The following PTGER3 variants were observed in gnomAD, a reference collection of about 807,000 sequenced individuals.
PTGER3 encodes the protein prostaglandin E2 receptor EP3 subtype.
PTGER3 carries 22 observed loss-of-function variants against 34.7 expected under a neutral mutation model. The observed-to-expected ratio is 0.63, with a 90% CI of 0.45 to 0.91. The LOEUF is 0.91. Among genes scored for constraint, PTGER3 ranks in the 40% least tolerant of loss-of-function variants. The probability of loss-of-function intolerance (pLI) is 0.00; values close to 1 mark genes in which losing one functional copy is unlikely to be tolerated. For missense variants in PTGER3, 468 were observed against 519.4 expected (o/e 0.90, Z 0.96); for synonymous variants, 241 against 230.1 (o/e 1.05, Z -0.43).
intron 2 of PTGER3, among the ~76,000 whole-genome samples, chr1:70,992,645 C>G (rs1042518919): frequency 1.3e-5 from 2 of 152,150 alleles, no homozygotes; most frequent in South Asian, 4.1e-4. Flanking sequence ...CTCTACCATG[C>G]ACTCAGGTGG....
intron 4 of PTGER3, among the ~76,000 whole-genome samples, chr1:70,915,652 C>T (rs1647158879): frequency 6.6e-6 from 1 of 151,948 alleles, no homozygotes; most frequent in African/African-American, 2.4e-5. Context: ...ATATAATTGT[C>T]CATTTGGCCA....
chr1:70,959,427 C>T (rs970504737), intron 2 of PTGER3, among the ~76,000 whole-genome samples: 2 of 151,224 alleles, frequency 1.3e-5, no homozygotes, highest in Admixed American at 6.6e-5. Flanking sequence ...GATCTCAGCT[C>T]ACTGCAACCT....
chr1:70,904,613 C>G (rs1239232045), intron 4 of PTGER3, among the ~76,000 whole-genome samples: 8 of 152,212 alleles, frequency 5.3e-5, no homozygotes, highest in East Asian at 1.9e-4. Context: ...TTTCCCCTGC[C>G]CTAGAGATTT....
At chr1:70,852,701 G>T in exon 5 of PTGER3, 1 of 1,035,074 alleles carries the variant, frequency 9.7e-7, no homozygotes. Flanking sequence ...CTGGATAACA[G>T]TTATATTTGG....
intron 4 of PTGER3, among the ~76,000 whole-genome samples, chr1:70,928,958 C>G (rs984140986): frequency 5.3e-5 from 8 of 151,742 alleles, no homozygotes; most frequent in Admixed American, 5.3e-4. Context: ...AACTAGGGAA[C>G]CCAAATCTAA....
chr1:70,990,111 T>C (rs993807642), intron 2 of PTGER3, among the ~76,000 whole-genome samples: 1 of 151,800 alleles, frequency 6.6e-6, no homozygotes, highest in Non-Finnish European at 1.5e-5. Flanking sequence ...GCCAGCACTT[T>C]GGGAGGCCGA....
chr1:70,911,769 C>T (rs1028511102), intron 4 of PTGER3, among the ~76,000 whole-genome samples: 1 of 151,528 alleles, frequency 6.6e-6, no homozygotes, highest in Admixed American at 6.6e-5. Flanking sequence ...CAACGTAACT[C>T]GAAATAAAAA....
chr1:71,016,587 G>C lies in PTGER3; in HGVS notation c.898-4103C>G, dbSNP rs548739540. Among the ~76,000 whole-genome samples the C allele has an allele frequency of 3.3e-5, 5 of 152,208 alleles. No homozygotes were observed. In the South Asian group the frequency reaches 8.3e-4, roughly 25 times the overall value. ...GGAGGTCGAGGCAGATGGATCCCCT[G>C]AACCCAGCAGTTCGAGACCAGCCTG... On this transcript the variant is annotated intron_variant, in intron 1 of 3. Transcript: ENST00000306666.
downstream of PTGER3, chr1:70,950,975 A>C (rs1043706396): frequency 6.6e-6 from 1 of 152,144 alleles, no homozygotes; most frequent in East Asian, 1.9e-4. Context: ...CTCGGCCTCC[A>C]AAGTGCTGGA....
intron 4 of PTGER3, chr1:70,862,307 C>G: frequency 1.5e-6 from 2 of 1,349,190 alleles, no homozygotes; most frequent in Non-Finnish European, 2.0e-6. Flanking sequence ...TGACTTACAT[C>G]TGCTGTCAAA....
chr1:70,990,400 T>TATAA (rs1553172452), intron 2 of PTGER3, among the ~76,000 whole-genome samples: 1 of 129,036 alleles, frequency 7.7e-6, no homozygotes, highest in South Asian at 2.3e-4. Flanking sequence ...TATATATATA[T>TATAA]AAAATACATA....
At chr1:70,940,855 T>C (rs780671987) in intron 4 of PTGER3, among the ~76,000 whole-genome samples, 25 of 152,208 alleles carry the variant, frequency 1.6e-4, no homozygotes, top group Non-Finnish European at 3.2e-4. Flanking sequence ...AGTCATGTTA[T>C]AGGATCTTGC....
At chr1:71,004,689 C>A (rs1656785374) in intron 2 of PTGER3, among the ~76,000 whole-genome samples, 1 of 152,006 alleles carries the variant, frequency 6.6e-6, no homozygotes, top group African/African-American at 2.4e-5. Flanking sequence ...ACATACAAAC[C>A]CTAATTCCTT....
chr1:70,920,611 T>C (rs181472101), intron 4 of PTGER3, among the ~76,000 whole-genome samples: 2 of 152,314 alleles, frequency 1.3e-5, no homozygotes. Context: ...ATAGGTAATA[T>C]GGGAACTTTA....
At chr1:70,901,260 C>T (rs917752020) in intron 4 of PTGER3, among the ~76,000 whole-genome samples, 1 of 152,106 alleles carries the variant, frequency 6.6e-6, no homozygotes, top group Non-Finnish European at 1.5e-5. Context: ...TCCCTAAATT[C>T]GCAGAGTGGG....
chr1:70,861,402 C>T (rs529908315), intron 4 of PTGER3, among the ~76,000 whole-genome samples: 240 of 152,300 alleles, frequency 1.6e-3, no homozygotes, highest in African/African-American at 5.3e-3. Context: ...ATCAGCACAA[C>T]CTGTAAATGT....
intron 2 of PTGER3, among the ~76,000 whole-genome samples, chr1:70,996,934 T>C (rs958824369): frequency 6.6e-5 from 10 of 152,148 alleles, no homozygotes; most frequent in African/African-American, 2.2e-4. Context: ...AGTGCTGGGA[T>C]TGCAGGCATG....
At chr1:70,853,828 C>T (rs940023472) in intron 4 of PTGER3, among the ~76,000 whole-genome samples, 1 of 152,160 alleles carries the variant, frequency 6.6e-6, no homozygotes, top group East Asian at 1.9e-4. Context: ...TGTGCACGCA[C>T]TCAATCAATC....
intron 4 of PTGER3, among the ~76,000 whole-genome samples, chr1:70,915,367 G>GA (rs1402433257): frequency 6.6e-6 from 1 of 151,782 alleles, no homozygotes; most frequent in Non-Finnish European, 1.5e-5. Flanking sequence ...GGAGAGTTTG[G>GA]AAAGGAAAGA....
Sources: gnomAD v4.1 joint callset for allele counts (sites outside exome capture counted in the v4.1 genomes callset) on GRCh38, gnomAD v4.1.1 for gene constraint, MANE v1.5 for transcripts, NCBI Gene and HGNC (gene_info 2026-07-23, HGNC 2026-07-21) for gene names.